The following KDM2A variants were observed in gnomAD, a reference collection of about 807,000 sequenced individuals.
KDM2A encodes lysine-specific demethylase 2A.
A neutral mutation model predicts 137.3 loss-of-function variants in KDM2A; 3 were observed. The observed-to-expected ratio is 0.02, with a 90% CI of 0.01 to 0.06. KDM2A has a LOEUF of 0.06. KDM2A is among the 10% of genes least tolerant of loss of function. KDM2A has a pLI of 1.00. For synonymous variants in KDM2A, 512 were observed against 541.5 expected (o/e 0.95, Z 0.76); for missense variants, 738 against 1,510.6 (o/e 0.49, Z 8.48).
At chr11:67,252,887 CA>C in intron 18 of KDM2A, 30 bp downstream of exon 18, 1 of 1,581,406 alleles carries the variant, frequency 6.3e-7, no homozygotes, top group Non-Finnish European at 8.6e-7. Flanking sequence ...GCTGTCTTTC[CA>C]GGGGCCCAGA....
At chr11:67,176,752 C>T (rs1856979455) in intron 2 of KDM2A, among the ~76,000 whole-genome samples, 2 of 151,896 alleles carry the variant, frequency 1.3e-5, no homozygotes, top group African/African-American at 4.8e-5. Flanking sequence ...ATTTGTGTAT[C>T]TAAACATAGA....
At chr11:67,188,895 C>T (rs901094395) in intron 5 of KDM2A, among the ~76,000 whole-genome samples, 18 of 151,698 alleles carry the variant, frequency 1.2e-4, no homozygotes, top group African/African-American at 3.9e-4. Flanking sequence ...ATGTACCTAA[C>T]GACAGACCAT....
chr11:67,147,035 A>G (rs1450094361), intron 2 of KDM2A, among the ~76,000 whole-genome samples: 1 of 152,180 alleles, frequency 6.6e-6, no homozygotes, highest in Non-Finnish European at 1.5e-5. Flanking sequence ...TTAGTCAGAT[A>G]TAAATAGCCA....
intron 2 of KDM2A, among the ~76,000 whole-genome samples, chr11:67,121,953 A>G (rs1012647142): frequency 1.3e-5 from 2 of 152,188 alleles, no homozygotes; most frequent in Admixed American, 1.3e-4. Flanking sequence ...AATTTTAGAC[A>G]TGATTTGAAA....
Position 67,217,962 on chromosome 11 carries a change from AATAGTT to A in KDM2A, c.841+81_841+86del. On this transcript the variant is annotated intron_variant, in intron 9 of 20. Coordinates refer to ENST00000529006, the MANE Select transcript of KDM2A (RefSeq NM_012308.3). ...AAGAAATTGATGGATTACCACCAAG[AATAGTT>A]ATGATGCTGGGCGTCTGCAGAAAAC... 2.4e-6 allele frequency: 3 copies of A among 1,251,772 alleles called. No individual in the cohort carries two copies. In the South Asian group the frequency reaches 4.6e-5, roughly 19 times the overall value. 77.5% of individuals were successfully genotyped at this position (1,251,772 alleles called of 1,614,324 possible).
chr11:67,150,671 T>A (rs1388143854), intron 2 of KDM2A, among the ~76,000 whole-genome samples: 1 of 152,126 alleles, frequency 6.6e-6, no homozygotes, highest in Non-Finnish European at 1.5e-5. Context: ...TCAGACATGA[T>A]CTCTCTTCTC....
intron 12 of KDM2A, among the ~76,000 whole-genome samples, chr11:67,237,046 G>GAGAT (rs1176510972): frequency 2.0e-5 from 3 of 152,198 alleles, no homozygotes; most frequent in African/African-American, 7.2e-5. Context: ...CTGAGGGAAA[G>GAGAT]AGATGTTCCA....
intron 2 of KDM2A, 122 bp downstream of exon 2, chr11:67,121,480 A>G: frequency 1.2e-6 from 1 of 857,246 alleles, no homozygotes; most frequent in South Asian, 1.5e-5. Context: ...TCTGTGCACC[A>G]GAGGAGGGGG....
intron 10 of KDM2A, among the ~76,000 whole-genome samples, chr11:67,226,398 G>A (rs1281324940): frequency 1.3e-5 from 2 of 152,132 alleles, no homozygotes; most frequent in African/African-American, 4.8e-5. Context: ...TCCAAAGACA[G>A]TTTTTATATT....
rs538877522 is a variant in KDM2A, at chr11:67,158,455, G to A, written c.43-21624G>A. Among the ~76,000 whole-genome samples, 79 of 152,296 alleles carry A rather than the reference G, an allele frequency of 5.2e-4. 1 individual carries two copies. In the Middle Eastern group the frequency reaches 0.017, roughly 33 times the overall value. On this transcript the variant is annotated intron_variant, in intron 2 of 20. Coordinates refer to ENST00000529006, the MANE Select transcript of KDM2A (RefSeq NM_012308.3). ...TGAGTCAGCACATTTTATGGTAAGA[G>A]TGTTTAGTTTTGTAAGAAGCTGCCA...
chr11:67,123,247 A>C (rs1855639731), intron 2 of KDM2A, among the ~76,000 whole-genome samples: 1 of 132,756 alleles, frequency 7.5e-6, no homozygotes, highest in Non-Finnish European at 1.6e-5. Context: ...AAGTGCTGGG[A>C]TTAACAAGCG....
chr11:67,155,391 G>C (rs528580383), intron 2 of KDM2A, among the ~76,000 whole-genome samples: 1 of 151,942 alleles, frequency 6.6e-6, no homozygotes, highest in African/African-American at 2.4e-5. Flanking sequence ...TCATTGCAGC[G>C]TCATACTCCT....
At chr11:67,192,515 G>T (rs1380484923) in intron 5 of KDM2A, among the ~76,000 whole-genome samples, 15 of 135,668 alleles carry the variant, frequency 1.1e-4, no homozygotes, top group Non-Finnish European at 7.5e-5. Context: ...CGTGATCTTG[G>T]CTCACTGCAA....
rs535345177 is a variant in KDM2A at position 67,126,205 on chromosome 11, C to T, written c.42+4847C>T. Among the ~76,000 whole-genome samples the T allele has an allele frequency of 3.3e-5, 5 of 149,596 alleles. No homozygotes were observed. In the East Asian group the frequency reaches 7.8e-4, roughly 23 times the overall value. ...AGGTTGTGCTGAGCTGAGATCATGC[C>T]GTTGCACTCCAGCCTGGGGAACAAG... is the stretch of plus-strand genomic sequence containing the variant. On this transcript the variant is annotated intron_variant, in intron 2 of 20. Coordinates refer to ENST00000529006, the MANE Select transcript of KDM2A (RefSeq NM_012308.3).
At chr11:67,187,243 G>A (rs1857227936) in intron 5 of KDM2A, among the ~76,000 whole-genome samples, 1 of 152,096 alleles carries the variant, frequency 6.6e-6, no homozygotes, top group South Asian at 2.1e-4. Flanking sequence ...GGAAAATGAG[G>A]AACAAAGCTA....
At chr11:67,139,328 TC>T (rs1488042235) in intron 2 of KDM2A, among the ~76,000 whole-genome samples, 3 of 151,932 alleles carry the variant, frequency 2.0e-5, no homozygotes, top group Non-Finnish European at 4.4e-5. Flanking sequence ...CATTGCAACC[TC>T]CGCCTCCCAG....
chr11:67,132,034 G>A (rs1232630598), intron 2 of KDM2A: 3 of 152,180 alleles, frequency 2.0e-5, no homozygotes, highest in Non-Finnish European at 4.4e-5. Context: ...GTGACCAAAC[G>A]AATGTTTTTG....
At chr11:67,152,037 G>A (rs575194766) in intron 2 of KDM2A, among the ~76,000 whole-genome samples, 5 of 152,076 alleles carry the variant, frequency 3.3e-5, no homozygotes, top group Admixed American at 6.6e-5. Context: ...ATTTCCCGCC[G>A]GGTGCAGTGG....
intron 11 of KDM2A, among the ~76,000 whole-genome samples, chr11:67,231,044 C>A (rs1042872341): frequency 1.3e-5 from 2 of 151,772 alleles, no homozygotes; most frequent in African/African-American, 4.8e-5. Flanking sequence ...GCAGCCTCAA[C>A]CTCCCAGGCT....
Sources: allele counts gnomAD v4.1 joint callset (sites outside exome capture counted in the v4.1 genomes callset), GRCh38; gene constraint gnomAD v4.1.1; transcripts MANE v1.5; gene names NCBI Gene and HGNC (gene_info 2026-07-23, HGNC 2026-07-21).